CNTLN: variants seen among roughly 807,000 people sequenced by gnomAD.
CNTLN encodes centlein.
CNTLN carries 212 observed loss-of-function variants against 180.0 expected under a neutral mutation model. That is an observed-to-expected ratio of 1.18 (90% CI 1.05 to 1.32). The LOEUF (loss-of-function observed/expected upper bound fraction) is 1.32. Ranked by LOEUF, CNTLN falls within the 40% of genes most tolerant of loss-of-function variation. The pLI is 0.00. For missense variants in CNTLN, 2,095 were observed against 1,610.9 expected (o/e 1.30, Z -5.14); for synonymous variants, 722 against 563.1 (o/e 1.28, Z -3.99).
chr9:17,367,567 A>G (rs932690435), intron 13 of CNTLN, among the ~76,000 whole-genome samples: 8 of 152,138 alleles, frequency 5.3e-5, no homozygotes, highest in African/African-American at 1.4e-4. Flanking sequence ...AGCACAGCTC[A>G]TGGCTCTGAA....
At chr9:17,363,844 T>C (rs550557282) in intron 12 of CNTLN, among the ~76,000 whole-genome samples, 61 of 152,268 alleles carry the variant, frequency 4.0e-4, no homozygotes, top group Non-Finnish European at 4.4e-5. Flanking sequence ...TACCTTGCTT[T>C]TGAGTACATT....
chr9:17,266,248 C>T (rs940587983), intron 5 of CNTLN, among the ~76,000 whole-genome samples: 8 of 152,130 alleles, frequency 5.3e-5, no homozygotes, highest in African/African-American at 1.9e-4. Flanking sequence ...TCTTTGTTAT[C>T]ATTGGTTTCA....
chr9:17,384,454 C>T (rs528648893), intron 13 of CNTLN, among the ~76,000 whole-genome samples: 1 of 152,272 alleles, frequency 6.6e-6, no homozygotes, highest in Admixed American at 6.5e-5. Flanking sequence ...TCCCAGGCCT[C>T]CTGCCCAGGT....
chr9:17,266,505 GTA>G (rs1827458493), intron 5 of CNTLN, among the ~76,000 whole-genome samples: 1 of 152,128 alleles, frequency 6.6e-6, no homozygotes. Flanking sequence ...TGAATAAAAT[GTA>G]TATTCTGTTG....
chr9:17,355,742 G>A (rs1372307059), intron 12 of CNTLN, among the ~76,000 whole-genome samples: 2 of 152,170 alleles, frequency 1.3e-5, no homozygotes, highest in African/African-American at 4.8e-5. Flanking sequence ...TGATTAATAA[G>A]ATAAGAACTT....
chr9:17,255,591 T>G (rs1163414821), intron 5 of CNTLN, among the ~76,000 whole-genome samples: 1 of 151,872 alleles, frequency 6.6e-6, no homozygotes, highest in Admixed American at 6.6e-5. Context: ...TTATGATTTG[T>G]GCATCAATAT....
intron 18 of CNTLN, among the ~76,000 whole-genome samples, chr9:17,445,539 A>C (rs1160297510): frequency 6.6e-6 from 1 of 152,222 alleles, no homozygotes; most frequent in East Asian, 1.9e-4. Flanking sequence ...ACTCAGAGTT[A>C]AATGGATTAA....
intron 18 of CNTLN, among the ~76,000 whole-genome samples, chr9:17,420,363 C>T (rs1828617228): frequency 6.6e-6 from 1 of 152,144 alleles, no homozygotes; most frequent in Non-Finnish European, 1.5e-5. Context: ...TAGTTGGTGA[C>T]AGTAGCCACT....
At chr9:17,230,473 CA>C (rs1353197166) in intron 3 of CNTLN, among the ~76,000 whole-genome samples, 1 of 151,838 alleles carries the variant, frequency 6.6e-6, no homozygotes. Flanking sequence ...CTGTGACCTT[CA>C]AAAGTGCTTC....
chr9:17,393,073 G>A (rs1309789882), intron 14 of CNTLN, among the ~76,000 whole-genome samples: 2 of 152,150 alleles, frequency 1.3e-5, no homozygotes, highest in Non-Finnish European at 2.9e-5. Context: ...TCCAAGATCT[G>A]AGATTCAGTG....
chr9:17,383,115 A>G (rs992763154), intron 13 of CNTLN, among the ~76,000 whole-genome samples: 2 of 152,074 alleles, frequency 1.3e-5, no homozygotes, highest in South Asian at 2.1e-4. Flanking sequence ...ATAAATATAT[A>G]AAATATTATA....
intron 18 of CNTLN, among the ~76,000 whole-genome samples, chr9:17,436,690 G>A (rs1268717517): frequency 6.6e-6 from 1 of 152,060 alleles, no homozygotes; most frequent in African/African-American, 2.4e-5. Context: ...ATTTGTCCTT[G>A]GTTTATATTT....
At chr9:17,307,091 G>A (rs897123306) in intron 7 of CNTLN, among the ~76,000 whole-genome samples, 2 of 152,172 alleles carry the variant, frequency 1.3e-5, no homozygotes, top group Non-Finnish European at 2.9e-5. Flanking sequence ...GGTATCAGCT[G>A]TGGAAATGAC....
intron 8 of CNTLN, among the ~76,000 whole-genome samples, chr9:17,318,028 CTTTTT>C (rs869093440): frequency 1.4e-5 from 2 of 144,052 alleles, no homozygotes; most frequent in Non-Finnish European, 3.0e-5. Context: ...TTTTTCTTTT[CTTTTT>C]TTTTTTTTTT....
intron 25 of CNTLN, among the ~76,000 whole-genome samples, chr9:17,497,506 A>T (rs539085400): frequency 1.3e-5 from 2 of 152,324 alleles, no homozygotes; most frequent in South Asian, 4.1e-4. Context: ...GACTTTATAA[A>T]TAGAATAGAT....
Position 17,302,302 on chromosome 9 carries a change from A to G in CNTLN, c.1146+3950A>G, listed in dbSNP as rs528995564. Among the ~76,000 whole-genome samples, 7 of 152,010 alleles carry G rather than the reference A, an allele frequency of 4.6e-5. No individual in the cohort carries two copies. The South Asian group carries it at 1.0e-3, about 23-fold the overall frequency. On this transcript the variant is annotated intron_variant, in intron 7 of 25. Transcript: ENST00000380647. ...ACCTCTGCCTCCCAGGCTTCAAGCA[A>G]TTCCCCCACCTTAGCCTCCCCAGTA...
At chr9:17,143,456 A>G (rs1348126407) in intron 2 of CNTLN, 80 bp downstream of exon 2, 1 of 963,578 alleles carries the variant, frequency 1.0e-6, no homozygotes, top group African/African-American at 1.6e-5. Flanking sequence ...AGTACTTATC[A>G]TTAATCTCCT....
the CNTLN span, among the ~76,000 whole-genome samples, chr9:17,511,648 TCACACACA>T: frequency 2.7e-5 from 4 of 146,582 alleles, no homozygotes; most frequent in African/African-American, 1.0e-4. Context: ...TCTCTCTCTC[TCACACACA>T]CACACACACA....
intron 6 of CNTLN, among the ~76,000 whole-genome samples, chr9:17,274,717 C>G (rs1361953829): frequency 6.6e-6 from 1 of 152,056 alleles, no homozygotes; most frequent in Non-Finnish European, 1.5e-5. Flanking sequence ...CACTGCCATT[C>G]TGGTACACAT....
Sources: gnomAD v4.1 joint callset for allele counts (sites outside exome capture counted in the v4.1 genomes callset) on GRCh38, gnomAD v4.1.1 for gene constraint, MANE v1.5 for transcripts, NCBI Gene and HGNC (gene_info 2026-07-23, HGNC 2026-07-21) for gene names.